The following FYN variants were observed in gnomAD, a reference collection of about 807,000 sequenced individuals.
FYN encodes the protein FYN proto-oncogene, Src family tyrosine kinase.
In FYN, 10 loss-of-function variants were observed where a neutral mutation model predicts 70.2. The ratio of observed to expected loss-of-function variants is 0.14; its 90% CI spans 0.09 to 0.24. FYN has a LOEUF of 0.24. Ranked by LOEUF, FYN falls within the 10% of genes least tolerant of loss-of-function variation. FYN has a pLI of 1.00. For synonymous variants in FYN, 236 were observed against 248.6 expected, an observed-to-expected ratio of 0.95 and a Z score of 0.48; for missense variants, 319 against 673.1, an observed-to-expected ratio of 0.47 and a Z score of 5.82.
At chr6:111,800,966 C>T (rs1771964044) in intron 2 of FYN, among the ~76,000 whole-genome samples, 1 of 152,206 alleles carries the variant, frequency 6.6e-6, no homozygotes, top group African/African-American at 2.4e-5. Flanking sequence ...TCACTATTTG[C>T]TCGTTCATAC....
At chr6:111,790,706 T>G (rs949378448) in intron 2 of FYN, among the ~76,000 whole-genome samples, 2 of 152,236 alleles carry the variant, frequency 1.3e-5, no homozygotes, top group South Asian at 4.1e-4. Flanking sequence ...TGAATCTCAG[T>G]TCTGCTAAGC....
chr6:111,688,908 T>C (rs1175795395), intron 12 of FYN, among the ~76,000 whole-genome samples: 1 of 152,228 alleles, frequency 6.6e-6, no homozygotes, highest in Non-Finnish European at 1.5e-5. Flanking sequence ...AAGTGGTGAC[T>C]GCCCAGATCC....
At position 111,674,712 on chromosome 6, in the gene FYN, A is replaced by G. The variant is rs1798456279; in HGVS notation, c.1274-82T>C. 3 of 1,484,116 alleles carry G rather than the reference A, an allele frequency of 2.0e-6. No homozygotes were observed. In the Admixed American group the frequency reaches 5.7e-5, roughly 28 times the overall value. The allele number at this position is 1,484,116 out of a possible 1,614,324, so 91.9% of individuals were successfully genotyped here. On this transcript the variant is annotated intron_variant, in intron 12 of 13. Transcript: ENST00000354650. ...GTGTGGGAGGGAAAGGCACTTGGCA[A>G]GCTACTTTCCTGAGAGCAGGTTTAG...
intron 3 of FYN, among the ~76,000 whole-genome samples, chr6:111,733,760 G>A (rs1211617532): frequency 6.6e-6 from 1 of 152,346 alleles, no homozygotes; most frequent in South Asian, 2.1e-4. Context: ...TCACTCTGAA[G>A]TTCTGAAGTC....
At chr6:111,847,307 T>G (rs1773560256) in intron 1 of FYN, among the ~76,000 whole-genome samples, 1 of 152,226 alleles carries the variant, frequency 6.6e-6, no homozygotes, top group Admixed American at 6.5e-5. Context: ...CACATTAATC[T>G]TTAAAGTGCC....
At chr6:111,698,824 C>A (rs762244134) in intron 9 of FYN, among the ~76,000 whole-genome samples, 2 of 152,178 alleles carry the variant, frequency 1.3e-5, no homozygotes, top group African/African-American at 4.8e-5. Context: ...GTGGCTCACG[C>A]CTGTAATCCC....
At chr6:111,843,618 T>C (rs1773429367) in intron 2 of FYN, among the ~76,000 whole-genome samples, 3 of 152,172 alleles carry the variant, frequency 2.0e-5, no homozygotes, top group South Asian at 2.1e-4. Context: ...CTTTGTACTT[T>C]TGGGGAGCAA....
chr6:111,760,418 T>C (rs148560028), intron 3 of FYN, among the ~76,000 whole-genome samples: 357 of 152,292 alleles, frequency 2.3e-3, no homozygotes, highest in East Asian at 7.3e-3. Context: ...CCTAAGTGCC[T>C]GGATGGCTGC....
At chr6:111,686,785 C>G (rs1349565025) in intron 12 of FYN, among the ~76,000 whole-genome samples, 1 of 152,082 alleles carries the variant, frequency 6.6e-6, no homozygotes, top group South Asian at 2.1e-4. Context: ...CATCTCACGG[C>G]GAGATCAGCC....
At chr6:111,721,839 A>C (rs969312447) in intron 3 of FYN, among the ~76,000 whole-genome samples, 5 of 152,208 alleles carry the variant, frequency 3.3e-5, no homozygotes, top group Admixed American at 3.3e-4. Context: ...CAACAAGCCA[A>C]CAGGGGTCAG....
chr6:111,749,210 A>C lies in FYN; in HGVS notation c.-11-29148T>G, dbSNP rs189748379. Among the ~76,000 whole-genome samples, 5 of 152,304 alleles carry C rather than the reference A, an allele frequency of 3.3e-5. No homozygotes were observed. In the East Asian group the frequency reaches 9.6e-4, roughly 29 times the overall value. The stretch of plus-strand genomic sequence containing the variant: ...ATCATGAGTGAAGGTGAACTTTAAA[A>C]AAACCTTAATATTTGCTCAATATTC... On this transcript the variant is annotated intron_variant, in intron 3 of 13. Transcript: ENST00000354650.
At chr6:111,814,338 G>A (rs1464492422) in intron 2 of FYN, among the ~76,000 whole-genome samples, 1 of 152,042 alleles carries the variant, frequency 6.6e-6, no homozygotes. Flanking sequence ...AAAGCCAAAC[G>A]ATAAAGCCAT....
intron 3 of FYN, among the ~76,000 whole-genome samples, chr6:111,723,082 T>A (rs1801030243): frequency 6.6e-6 from 1 of 152,166 alleles, no homozygotes; most frequent in African/African-American, 2.4e-5. Flanking sequence ...TGCAAACCAC[T>A]CTTCCAACTC....
intron 2 of FYN, among the ~76,000 whole-genome samples, chr6:111,816,382 A>G (rs1772490415): frequency 6.6e-6 from 1 of 152,236 alleles, no homozygotes; most frequent in African/African-American, 2.4e-5. Flanking sequence ...GTCAGTAGTA[A>G]TATTTATACA....
intron 13 of FYN, among the ~76,000 whole-genome samples, chr6:111,668,890 T>C (rs1412774773): frequency 6.6e-6 from 1 of 152,084 alleles, no homozygotes; most frequent in Admixed American, 6.5e-5. Flanking sequence ...GTCCTAACCC[T>C]TTCTTCTCCC....
At chr6:111,714,514 T>G (rs1203267582) in intron 4 of FYN, 71 bp from the exon 5 acceptor site, 1 of 1,075,400 alleles carries the variant, frequency 9.3e-7, no homozygotes, top group Non-Finnish European at 1.4e-6. Context: ...AATTAAATCT[T>G]CACTAAAATC....
At chr6:111,829,291 T>C (rs1772937581) in intron 2 of FYN, among the ~76,000 whole-genome samples, 1 of 152,208 alleles carries the variant, frequency 6.6e-6, no homozygotes, top group Non-Finnish European at 1.5e-5. Context: ...GAACAAGTAG[T>C]ACTCTCCCCG....
intron 12 of FYN, among the ~76,000 whole-genome samples, chr6:111,685,841 A>C (rs1178873507): frequency 6.6e-6 from 1 of 152,208 alleles, no homozygotes; most frequent in Non-Finnish European, 1.5e-5. Flanking sequence ...AGATGCTCAC[A>C]CAGAATACAA....
chr6:111,667,190 T>C (rs1798049073), intron 13 of FYN, among the ~76,000 whole-genome samples: 1 of 152,192 alleles, frequency 6.6e-6, no homozygotes, highest in Admixed American at 6.5e-5. Context: ...TCCACTTCTT[T>C]GAGCTGTACA....
Sources: gnomAD v4.1 joint callset for allele counts (sites outside exome capture counted in the v4.1 genomes callset) on GRCh38, gnomAD v4.1.1 for gene constraint, MANE v1.5 for transcripts, NCBI Gene and HGNC (gene_info 2026-07-23, HGNC 2026-07-21) for gene names.